Variants in PRKAG2 observed in about 807,000 individuals in gnomAD.
PRKAG2 encodes protein kinase AMP-activated non-catalytic subunit gamma 2.
Under a neutral mutation model 69.6 loss-of-function variants are expected in PRKAG2, and 26 were observed. The ratio of observed to expected loss-of-function variants is 0.37; its 90% CI spans 0.27 to 0.52. The LOEUF is 0.52. PRKAG2 is among the 20% of genes least tolerant of loss of function. The pLI is 0.90. For missense variants in PRKAG2, 557 were observed against 740.0 expected, an observed-to-expected ratio of 0.75 and a Z score of 2.87; for synonymous variants, 293 against 285.0, an observed-to-expected ratio of 1.03 and a Z score of -0.28.
intron 1 of PRKAG2, among the ~76,000 whole-genome samples, chr7:151,795,890 T>TACA (rs1491286413): frequency 2.1e-5 from 2 of 96,600 alleles, no homozygotes; most frequent in African/African-American, 8.8e-5. Context: ...TATATATATA[T>TACA]CACGATAATA....
chr7:151,858,912 G>C (rs1563760680), intron 1 of PRKAG2, among the ~76,000 whole-genome samples: 1 of 152,120 alleles, frequency 6.6e-6, no homozygotes, highest in South Asian at 2.1e-4. Flanking sequence ...GGGCACCCTA[G>C]GCCTTGTCTC....
chr7:151,595,004 G>C (rs1356780454), intron 6 of PRKAG2, among the ~76,000 whole-genome samples: 1 of 152,032 alleles, frequency 6.6e-6, no homozygotes, highest in Non-Finnish European at 1.5e-5. Flanking sequence ...CATCACGTTG[G>C]CCAGGCTGGT....
chr7:151,786,410 C>T, intron 2 of PRKAG2, 60 bp downstream of exon 2: 1 of 1,493,972 alleles, frequency 6.7e-7, no homozygotes, highest in Non-Finnish European at 9.2e-7. Context: ...GGCTCAGGCT[C>T]TGCCTGCCTC....
intron 3 of PRKAG2, among the ~76,000 whole-genome samples, chr7:151,744,150 G>A (rs1008953763): frequency 6.6e-6 from 1 of 152,160 alleles, no homozygotes; most frequent in Non-Finnish European, 1.5e-5. Context: ...GCGCTCCTGT[G>A]GCTCTGATAT....
chr7:151,799,414 C>T (rs567426340), intron 1 of PRKAG2, among the ~76,000 whole-genome samples: 44 of 152,358 alleles, frequency 2.9e-4, no homozygotes, highest in Admixed American at 1.8e-3. Context: ...ATCCCTCGCA[C>T]GGGCCTGGCT....
intron 4 of PRKAG2, among the ~76,000 whole-genome samples, chr7:151,651,015 T>C (rs912139783): frequency 1.3e-5 from 2 of 152,212 alleles, no homozygotes; most frequent in Non-Finnish European, 2.9e-5. Flanking sequence ...ATGAATAAAC[T>C]GAGCCTGTCA....
At chr7:151,838,371 G>A (rs2079191927) in intron 1 of PRKAG2, among the ~76,000 whole-genome samples, 1 of 151,922 alleles carries the variant, frequency 6.6e-6, no homozygotes, top group Non-Finnish European at 1.5e-5. Flanking sequence ...TCCAGCAGAC[G>A]GGTATCCTGG....
At chr7:151,676,517 C>T (rs1338591459) in intron 3 of PRKAG2, among the ~76,000 whole-genome samples, 5 of 152,154 alleles carry the variant, frequency 3.3e-5, no homozygotes, top group Non-Finnish European at 7.3e-5. Context: ...AGACATGAAT[C>T]TTCTGGGAGT....
chr7:151,568,818 C>A lies in PRKAG2; in HGVS notation c.1131G>T (p.Leu377Phe). ...GCAATCTGTGGATTTTATTTTTGAT[C>A]AAGGAGTATACAGCATCGAAGAGGC... ...DASLFDAVYS[L>F]IKNKIHRLPV... The change falls in exon 11 of 16, where the codon TTG (leucine) becomes TTT (phenylalanine). Residue 377 changes from leucine (L) to phenylalanine (F), a missense_variant. Coordinates refer to ENST00000287878, the MANE Select transcript of PRKAG2 (RefSeq NM_016203.4). The A allele has an allele frequency of 6.2e-7, 1 of 1,613,864 alleles. No individual in the cohort carries two copies. Among genetic ancestry groups the A allele is most frequent in the South Asian group, 1.1e-5 (1 of 91,032 alleles).
At chr7:151,866,809 C>T (rs905124923) in intron 1 of PRKAG2, among the ~76,000 whole-genome samples, 8 of 152,116 alleles carry the variant, frequency 5.3e-5, no homozygotes, top group Admixed American at 2.0e-4. Context: ...CCTGCCTGCC[C>T]GTCTTCTGGA....
At chr7:151,743,918 C>T (rs1375371677) in intron 3 of PRKAG2, among the ~76,000 whole-genome samples, 3 of 152,224 alleles carry the variant, frequency 2.0e-5, no homozygotes, top group Non-Finnish European at 4.4e-5. Context: ...CACTCTAATA[C>T]TTGGATTTTA....
chr7:151,793,771 G>A (rs73728298), intron 1 of PRKAG2, among the ~76,000 whole-genome samples: 3 of 152,336 alleles, frequency 2.0e-5, no homozygotes, highest in Non-Finnish European at 4.4e-5. Flanking sequence ...GCAATTCTTG[G>A]TACTGATGGG....
rs185199825 is a variant in PRKAG2, at chr7:151,587,369, C to T, written c.864+7976G>A. Among the ~76,000 whole-genome samples the T allele has an allele frequency of 3.6e-3, 551 of 152,336 alleles. 1 individual carries two copies. The highest frequency in any genetic ancestry group is 6.1e-3 in the Non-Finnish European group (418 of 68,034). Reference sequence around the variant, plus strand: ...TCCCTTGCAGAAAAATCCCAACTAACTCACGTAGCTGCTCAGCCCTCACGG... The same window carrying T: ...TCCCTTGCAGAAAAATCCCAACTAATTCACGTAGCTGCTCAGCCCTCACGG... On this transcript the variant is annotated intron_variant, in intron 6 of 15. Transcript: ENST00000287878.
chr7:151,771,624 G>A lies in PRKAG2; in HGVS notation c.466+9528C>T, dbSNP rs1410304853. On this transcript the variant is annotated intron_variant, in intron 3 of 15. Coordinates refer to ENST00000287878, the MANE Select transcript of PRKAG2 (RefSeq NM_016203.4). This position sits in a 1 kb window ranked among gnomAD's most constrained non-coding sequence, Gnocchi z 4.0. Reference sequence around the variant, plus strand: ...TCGATTCCAAGACTCAGGCCATTGAGTCATTCGCTTCACTGGTTTGTAAAT... The same window carrying A: ...TCGATTCCAAGACTCAGGCCATTGAATCATTCGCTTCACTGGTTTGTAAAT... Among the ~76,000 whole-genome samples, 2 of 152,212 alleles carry A rather than the reference G, an allele frequency of 1.3e-5. No homozygotes were observed. Among genetic ancestry groups the A allele is most frequent in the African/African-American group, 4.8e-5 (2 of 41,444 alleles).
rs56797283 is a variant in PRKAG2, at chr7:151,736,433, C to G, written c.466+44719G>C. 22,041 of 960,206 alleles carry G rather than the reference C, an allele frequency of 0.023. 3,611 individuals carry two copies. The African/African-American group carries it at 0.35, about 15-fold the overall frequency. 59.5% of individuals were successfully genotyped at this position (960,206 alleles called of 1,614,324 possible). ...TAAAATTAAAAAAAGGAGGGAAGAC[C>G]AGATAGGCAAAGGAGGCACAAGCCT... On this transcript the variant is annotated intron_variant, in intron 3 of 15. Transcript: ENST00000287878.
chr7:151,688,077 G>C (rs1240712557), intron 3 of PRKAG2, among the ~76,000 whole-genome samples: 1 of 141,318 alleles, frequency 7.1e-6, no homozygotes, highest in Non-Finnish European at 1.5e-5. Flanking sequence ...TCAGCATGGT[G>C]ACTACTGTCA....
At chr7:151,701,278 T>A (rs1436083739) in intron 3 of PRKAG2, among the ~76,000 whole-genome samples, 1 of 152,222 alleles carries the variant, frequency 6.6e-6, no homozygotes. Flanking sequence ...CACATAGCTA[T>A]TTCTTTATAA....
chr7:151,618,397 C>T (rs1429020311), intron 5 of PRKAG2, among the ~76,000 whole-genome samples: 1 of 146,576 alleles, frequency 6.8e-6, no homozygotes, highest in Admixed American at 6.8e-5. Flanking sequence ...AGGCTGCAGT[C>T]AGCCGAGATC....
chr7:151,786,855 C>T, intron 1 of PRKAG2, among the ~76,000 whole-genome samples: 1 of 152,158 alleles, frequency 6.6e-6, no homozygotes, highest in East Asian at 1.9e-4. Context: ...GGGAGGAGAG[C>T]CCGTCTCAGG....
Sources: allele counts gnomAD v4.1 joint callset (sites outside exome capture counted in the v4.1 genomes callset), GRCh38; gene constraint gnomAD v4.1.1; non-coding constraint Gnocchi (gnomAD v3.1); transcripts MANE v1.5; gene names NCBI Gene and HGNC (gene_info 2026-07-23, HGNC 2026-07-21).